SOX5: variants seen among roughly 807,000 people sequenced by gnomAD.
SOX5 encodes transcription factor SOX-5.
A neutral mutation model predicts 92.0 loss-of-function variants in SOX5; 9 were observed. The observed-to-expected ratio is 0.10, with a 90% confidence interval of 0.06 to 0.17. The LOEUF (loss-of-function observed/expected upper bound fraction) is 0.17, where lower values mean the gene tolerates loss of function less well. Among genes scored for constraint, SOX5 ranks in the 10% least tolerant of loss-of-function variants. SOX5 has a pLI of 1.00. For missense variants in SOX5, 642 were observed against 944.5 expected (o/e 0.68, Z 4.20); for synonymous variants, 344 against 336.3 (o/e 1.02, Z -0.25).
At chr12:24,527,007 C>T (rs1001661838) in intron 1 of SOX5, among the ~76,000 whole-genome samples, 1 of 151,938 alleles carries the variant, frequency 6.6e-6, no homozygotes, top group Non-Finnish European at 1.5e-5. Context: ...GCCTAGTCTG[C>T]TCTCAAACTC....
intron 3 of SOX5, among the ~76,000 whole-genome samples, chr12:23,770,332 A>C (rs2094892048): frequency 6.6e-6 from 1 of 152,022 alleles, no homozygotes; most frequent in South Asian, 2.1e-4. Flanking sequence ...ACAAAAAGAA[A>C]ACCCTGAATT....
chr12:23,545,465 G>A (rs1942946685), intron 12 of SOX5, among the ~76,000 whole-genome samples: 1 of 152,158 alleles, frequency 6.6e-6, no homozygotes, highest in Non-Finnish European at 1.5e-5. Flanking sequence ...CACTGTGGAT[G>A]TTTAGAATGT....
In SOX5 at chr12:24,004,697, G is replaced by T. The variant is rs142392837; in HGVS notation, c.-1-108673C>A. Among the ~76,000 whole-genome samples the T allele has an allele frequency of 4.5e-3, 685 of 152,134 alleles. 6 individuals carry two copies. The highest frequency in any genetic ancestry group is 0.016 in the African/African-American group (656 of 41,510). On this transcript the variant is annotated intron_variant, in intron 4 of 4. Transcript: ENST00000446891. ...GTATGTCAAATCACGCAGCCACATT[G>T]AACAGTTTAGCAGTTTCATAAACAG...
chr12:24,200,049 C>A (rs1256933779), intron 4 of SOX5, among the ~76,000 whole-genome samples: 1 of 152,142 alleles, frequency 6.6e-6, no homozygotes, highest in Non-Finnish European at 1.5e-5. Context: ...ATTGAATGAA[C>A]CCACTCCTTC....
At chr12:24,433,316 T>C (rs1161791477) in intron 1 of SOX5, among the ~76,000 whole-genome samples, 1 of 152,240 alleles carries the variant, frequency 6.6e-6, no homozygotes, top group Non-Finnish European at 1.5e-5. Context: ...CTAAAATTGT[T>C]GTCAGTGGGA....
chr12:23,671,547 G>A (rs1472011973), intron 6 of SOX5, among the ~76,000 whole-genome samples: 1 of 152,092 alleles, frequency 6.6e-6, no homozygotes, highest in African/African-American at 2.4e-5. Flanking sequence ...GGATAACAAA[G>A]TAACTTTCCA....
At chr12:24,082,368 G>C (rs1197310436) in intron 4 of SOX5, among the ~76,000 whole-genome samples, 1 of 109,654 alleles carries the variant, frequency 9.1e-6, no homozygotes, top group Non-Finnish European at 1.7e-5. Flanking sequence ...ATCAATTGCT[G>C]TAAATTTCTC....
chr12:24,174,511 T>TGG (rs35514099), intron 4 of SOX5, among the ~76,000 whole-genome samples: 2 of 151,766 alleles, frequency 1.3e-5, no homozygotes, highest in South Asian at 2.1e-4. Flanking sequence ...ACAGAATGAG[T>TGG]GGGGGGGGGA....
At chr12:23,826,268 T>G (rs934572922) in intron 3 of SOX5, among the ~76,000 whole-genome samples, 1 of 148,072 alleles carries the variant, frequency 6.8e-6, no homozygotes, top group Admixed American at 6.8e-5. Context: ...AGTGAGATCA[T>G]GTGGTGTTTG....
At chr12:23,726,164 AGAGAG>A (rs2093116655) in intron 6 of SOX5, among the ~76,000 whole-genome samples, 1 of 65,634 alleles carries the variant, frequency 1.5e-5, no homozygotes, top group Admixed American at 1.6e-4. Context: ...AGAGAGAGAG[AGAGAG>A]AGAGAGGTCA....
chr12:23,662,041 T>C (rs2083127423), intron 7 of SOX5, among the ~76,000 whole-genome samples: 1 of 152,178 alleles, frequency 6.6e-6, no homozygotes, highest in Admixed American at 6.6e-5. Context: ...TTTCTTTCCC[T>C]GAATGAACTT....
rs1371782657 is a variant in SOX5 at position 23,872,376 on chromosome 12, GACTA to G, written c.270+23413_270+23416del. ...TCTACCACCATACCTTCAACTTACTGACTAACAATTCTACGAGCTTTCACCATCA... is the reference window on the plus strand; with the variant it reads ...TCTACCACCATACCTTCAACTTACTGACAATTCTACGAGCTTTCACCATCA... On this transcript the variant is annotated intron_variant, in intron 2 of 14. Coordinates refer to ENST00000451604, the MANE Select transcript of SOX5 (RefSeq NM_006940.6). Among the ~76,000 whole-genome samples, 27 of 151,714 alleles carry G rather than the reference GACTA, an allele frequency of 1.8e-4. No individual in the cohort carries two copies. In the South Asian group the frequency reaches 5.6e-3, roughly 32 times the overall value.
intron 3 of SOX5, among the ~76,000 whole-genome samples, chr12:23,760,747 T>C (rs150345344): frequency 1.2e-3 from 180 of 152,218 alleles, no homozygotes; most frequent in South Asian, 3.1e-3. Flanking sequence ...TCTGGAACAA[T>C]GAGACCTAGA....
chr12:24,548,769 G>T (rs1356658684), intron 1 of SOX5, among the ~76,000 whole-genome samples: 1 of 152,160 alleles, frequency 6.6e-6, no homozygotes, highest in East Asian at 1.9e-4. Context: ...TCTCTTGTGT[G>T]AATCATTTCA....
At chr12:24,068,676 T>G (rs1941191796) in intron 4 of SOX5, among the ~76,000 whole-genome samples, 2 of 97,694 alleles carry the variant, frequency 2.0e-5, no homozygotes, top group Admixed American at 1.1e-4. Context: ...AAGGTCAAAG[T>G]CGTATGTGTG....
chr12:23,593,864 G>A (rs1447744224), intron 9 of SOX5, among the ~76,000 whole-genome samples: 5 of 150,624 alleles, frequency 3.3e-5, no homozygotes, highest in African/African-American at 9.7e-5. Flanking sequence ...GAGAAAAAAG[G>A]AGAGAGAGAG....
At chr12:23,715,879 C>T (rs1003150392) in intron 6 of SOX5, among the ~76,000 whole-genome samples, 1 of 148,380 alleles carries the variant, frequency 6.7e-6, no homozygotes, top group African/African-American at 2.5e-5. Flanking sequence ...AATTAAACAA[C>T]CTTAATCTCA....
At chr12:24,228,405 A>T (rs1297646094) in intron 3 of SOX5, among the ~76,000 whole-genome samples, 2 of 152,218 alleles carry the variant, frequency 1.3e-5, no homozygotes, top group African/African-American at 4.8e-5. Flanking sequence ...TTGAACTAAA[A>T]GTCTAACCTG....
intron 2 of SOX5, among the ~76,000 whole-genome samples, chr12:24,330,106 C>T (rs966700752): frequency 6.6e-6 from 1 of 152,026 alleles, no homozygotes; most frequent in East Asian, 1.9e-4. Context: ...AACTCCCAAA[C>T]CACAGAAGAA....
Sources: gnomAD v4.1 joint callset for allele counts (sites outside exome capture counted in the v4.1 genomes callset) on GRCh38, gnomAD v4.1.1 for gene constraint, MANE v1.5 for transcripts, NCBI Gene and HGNC (gene_info 2026-07-23, HGNC 2026-07-21) for gene names.